CRB1: variants seen among roughly 807,000 people sequenced by gnomAD.
CRB1 encodes protein crumbs homolog 1.
CRB1 carries 83 observed loss-of-function variants against 120.0 expected under a neutral mutation model. That is an observed-to-expected ratio of 0.69 (90% CI 0.58 to 0.83). CRB1 has a LOEUF of 0.83. Ranked by LOEUF, CRB1 falls within the 40% of genes least tolerant of loss-of-function variation. The pLI is 0.00. For missense variants in CRB1, 1,699 were observed against 1,687.6 expected, an observed-to-expected ratio of 1.01 and a Z score of -0.12; for synonymous variants, 625 against 612.5, an observed-to-expected ratio of 1.02 and a Z score of -0.30.
At chr1:197,456,458 A>T (rs1436617914) in intron 11 of CRB1, among the ~76,000 whole-genome samples, 1 of 152,070 alleles carries the variant, frequency 6.6e-6, no homozygotes, top group African/African-American at 2.4e-5. Context: ...GATGAAAATG[A>T]TAGTATATAG....
At chr1:197,350,064 C>G (rs1345118830) in intron 4 of CRB1, among the ~76,000 whole-genome samples, 10 of 147,078 alleles carry the variant, frequency 6.8e-5, no homozygotes. Context: ...TGCGCCACTG[C>G]AGTCCGCAGT....
chr1:197,223,985 G>A, the CRB1 span, among the ~76,000 whole-genome samples: 3 of 152,066 alleles, frequency 2.0e-5, no homozygotes, highest in African/African-American at 7.2e-5. Flanking sequence ...CTCCCCCTGT[G>A]TAAGGTACTA....
chr1:197,331,234 T>C (rs1215100392), intron 2 of CRB1, among the ~76,000 whole-genome samples: 1 of 152,178 alleles, frequency 6.6e-6, no homozygotes, highest in Non-Finnish European at 1.5e-5. Flanking sequence ...AATCAACTGT[T>C]ACTAAATTGT....
At chr1:197,211,440 A>C in the CRB1 span, among the ~76,000 whole-genome samples, 1 of 152,254 alleles carries the variant, frequency 6.6e-6, no homozygotes, top group African/African-American at 2.4e-5. Flanking sequence ...TGGGAAGTCC[A>C]AGATCAAGGG....
intron 5 of CRB1, among the ~76,000 whole-genome samples, chr1:197,365,343 G>T (rs976565344): frequency 6.6e-6 from 1 of 152,068 alleles, no homozygotes; most frequent in Non-Finnish European, 1.5e-5. Flanking sequence ...ACCTGTTGTG[G>T]CATAATCCCC....
chr1:197,390,562 A>T (rs534775754), intron 5 of CRB1, among the ~76,000 whole-genome samples: 1 of 151,974 alleles, frequency 6.6e-6, no homozygotes, highest in South Asian at 2.1e-4. Context: ...CCAAGGTTTG[A>T]CCCAGCATAC....
intron 11 of CRB1, among the ~76,000 whole-genome samples, chr1:197,448,737 T>C (rs1394809074): frequency 1.3e-5 from 2 of 152,156 alleles, no homozygotes; most frequent in East Asian, 3.8e-4. Context: ...GCTTACTATT[T>C]TATTCCTGCA....
chr1:197,440,191 G>A (rs1408746836), intron 10 of CRB1: 4 of 152,072 alleles, frequency 2.6e-5, no homozygotes, highest in East Asian at 1.9e-4. Flanking sequence ...CTGGTTGAAC[G>A]TCACACTTTC....
chr1:197,471,311 G>C (rs963885101), intron 11 of CRB1, among the ~76,000 whole-genome samples: 1 of 152,162 alleles, frequency 6.6e-6, no homozygotes, highest in Admixed American at 6.6e-5. Flanking sequence ...TTTCCAGCAA[G>C]AGACTTCAAA....
chr1:197,238,877 A>G, the CRB1 span, among the ~76,000 whole-genome samples: 10 of 152,262 alleles, frequency 6.6e-5, no homozygotes, highest in East Asian at 1.9e-3. Context: ...TATAAAAACA[A>G]GACAAATTAT....
intron 7 of CRB1, chr1:197,428,877 T>A: frequency 1.6e-6 from 2 of 1,276,390 alleles, no homozygotes; most frequent in Non-Finnish European, 2.1e-6. Context: ...ACACAGTTCA[T>A]GCTCTAATAA....
intron 11 of CRB1, among the ~76,000 whole-genome samples, chr1:197,459,939 C>A (rs1249914856): frequency 6.9e-6 from 1 of 144,634 alleles, no homozygotes; most frequent in Non-Finnish European, 1.5e-5. Flanking sequence ...TTTTTGATTT[C>A]TGCTAATTAG....
At chr1:197,326,946 C>T (rs919934588) in intron 1 of CRB1, among the ~76,000 whole-genome samples, 1 of 151,430 alleles carries the variant, frequency 6.6e-6, no homozygotes, top group Non-Finnish European at 1.5e-5. Context: ...ATTTTTATTG[C>T]TATGTTTTGT....
intron 1 of CRB1, among the ~76,000 whole-genome samples, chr1:197,292,601 A>C (rs2125239968): frequency 6.6e-6 from 1 of 152,240 alleles, no homozygotes; most frequent in African/African-American, 2.4e-5. Context: ...GCACAGACAC[A>C]ACAAAAAAAA....
chr1:197,421,763 C>T lies in CRB1; in HGVS notation c.1935C>T (p.Asp645=). ...STPSFVGCLQ[D]IKIDWNHITL... ...CTTCGTTTGTAGGCTGTCTCCAAGA[C>T]ATTAAAATTGATTGGAATCACATTA... Residue 645 remains aspartate (D), a synonymous_variant, in exon 6 of 12, where the codon GAC becomes GAT. Transcript: ENST00000367400. The T allele has an allele frequency of 1.9e-6, 3 of 1,614,114 alleles. No individual in the cohort carries two copies. The highest frequency in any genetic ancestry group is 2.5e-6 in the Non-Finnish European group (3 of 1,179,992).
At chr1:197,432,459 A>ATTTGTATCATTTGAATGTAT (rs1470501174) in intron 8 of CRB1, among the ~76,000 whole-genome samples, 1 of 151,948 alleles carries the variant, frequency 6.6e-6, no homozygotes. Flanking sequence ...GTCAAATAAT[A>ATTTGTATCATTTGAATGTAT]CACTTGAATG....
chr1:197,235,841 A>ATATGATCC, the CRB1 span, among the ~76,000 whole-genome samples: 1 of 152,236 alleles, frequency 6.6e-6, no homozygotes, highest in Non-Finnish European at 1.5e-5. Context: ...TCCAAGGATC[A>ATATGATCC]TTTTGAGAAA....
intron 1 of CRB1, among the ~76,000 whole-genome samples, chr1:197,323,662 CCTTCACAA>C (rs1658330124): frequency 6.6e-6 from 1 of 152,088 alleles, no homozygotes; most frequent in Non-Finnish European, 1.5e-5. Flanking sequence ...GTAAAAATGA[CCTTCACAA>C]CTTGCATCAT....
chr1:197,465,651 C>T (rs899078290), intron 11 of CRB1, among the ~76,000 whole-genome samples: 1 of 152,134 alleles, frequency 6.6e-6, no homozygotes, highest in Non-Finnish European at 1.5e-5. Flanking sequence ...TTTAGACATA[C>T]CAAGTCTCAA....
Sources: allele counts gnomAD v4.1 joint callset (sites outside exome capture counted in the v4.1 genomes callset), GRCh38; gene constraint gnomAD v4.1.1; transcripts MANE v1.5; gene names NCBI Gene and HGNC (gene_info 2026-07-23, HGNC 2026-07-21).